Variants in FLACC1 observed in about 807,000 individuals in gnomAD.
FLACC1 encodes the protein flagellum associated containing coiled-coil domains 1, also known as flagellum-associated coiled-coil domain-containing protein 1.
A neutral mutation model predicts 62.8 loss-of-function variants in FLACC1; 66 were observed. The ratio of observed to expected loss-of-function variants is 1.05; its 90% CI spans 0.86 to 1.29. The LOEUF is 1.29. FLACC1 is among the 50% of genes most tolerant of loss of function. The pLI, the probability that FLACC1 is intolerant of heterozygous loss-of-function variation, is 0.00. For synonymous variants in FLACC1, 156 were observed against 161.0 expected (o/e 0.97, Z 0.24); for missense variants, 452 against 489.1 (o/e 0.92, Z 0.71).
chr2:201,339,567 T>G lies in FLACC1; in HGVS notation c.524+2803A>C, dbSNP rs118078134. ...TATAAACTTCCCTCTTAGCACTGCT[T>G]TTGCTGTATCCCACAGGCTTTGGTA... On this transcript the variant is annotated intron_variant, in intron 7 of 14. Coordinates refer to ENST00000392257, the MANE Select transcript of FLACC1 (RefSeq NM_001127391.3). Among the ~76,000 whole-genome samples the G allele has an allele frequency of 3.3e-5, 5 of 152,254 alleles. No individual in the cohort carries two copies. In the East Asian group the frequency reaches 9.6e-4, roughly 29 times the overall value.
Position 201,346,577 on chromosome 2 carries a change from C to T in FLACC1, c.333G>A (p.Trp111Ter), listed in dbSNP as rs1559419446. The change falls in exon 5 of 15, where the codon TGG becomes TGA. Residue 111 changes from tryptophan (W) to a stop codon, truncating the protein, a stop_gained. Transcript: ENST00000392257. LOFTEE classifies it high-confidence loss of function. The surrounding 1 kb of genome is among the most constrained non-coding windows in gnomAD (Gnocchi z 4.0). The stretch of plus-strand genomic sequence containing the variant: ...TGCCTTTGTCCGGGATCTCCGATTC[C>T]CACCGCTTTTTCCTATCAAACATCT... Reference protein sequence around the residue: ...GDEMFDRKKRWESEIPDKGRF... With the variant: ...GDEMFDRKKR 1 of 1,614,150 alleles carries T rather than the reference C, an allele frequency of 6.2e-7. No homozygotes were observed. The highest frequency in any genetic ancestry group is 1.7e-5 in the Admixed American group (1 of 60,032).
chr2:201,304,421 G>A (rs574648676), intron 11 of FLACC1, among the ~76,000 whole-genome samples: 151 of 152,214 alleles, frequency 9.9e-4, no homozygotes, highest in African/African-American at 3.3e-3. Context: ...ACTGCTCAAC[G>A]AAATAAAAGA....
chr2:201,315,850 T>A (rs937245337), intron 9 of FLACC1, among the ~76,000 whole-genome samples: 1 of 151,992 alleles, frequency 6.6e-6, no homozygotes, highest in African/African-American at 2.4e-5. Context: ...ATATCAAGCA[T>A]TCTCTCAGAC....
At position 201,314,098 on chromosome 2, in the gene FLACC1, C is replaced by G. The variant is rs565851864; in HGVS notation, c.676-4848G>C. On this transcript the variant is annotated intron_variant, in intron 9 of 14. Coordinates refer to ENST00000392257, the MANE Select transcript of FLACC1 (RefSeq NM_001127391.3). ...GCCCTAGATCTTCCCTCTGACAGAA[C>G]CTACCCAAATGAGAAGGAACAAGAA... Among the ~76,000 whole-genome samples, 5 of 152,236 alleles carry G rather than the reference C, an allele frequency of 3.3e-5. No homozygotes were observed. The East Asian group carries it at 7.7e-4, about 24-fold the overall frequency.
intron 5 of FLACC1, among the ~76,000 whole-genome samples, chr2:201,345,971 C>G (rs922611536): frequency 1.2e-4 from 18 of 152,152 alleles, no homozygotes; most frequent in Admixed American, 2.6e-4. Flanking sequence ...TTGAGAACAG[C>G]CTGGCTAATA....
At chr2:201,291,768 A>G (rs1409790578) in intron 12 of FLACC1, among the ~76,000 whole-genome samples, 1 of 152,212 alleles carries the variant, frequency 6.6e-6, no homozygotes, top group Non-Finnish European at 1.5e-5. Context: ...CAAGAAGTTA[A>G]AAACCTTGAA....
chr2:201,352,354 T>C (rs1005356377), intron 1 of FLACC1, among the ~76,000 whole-genome samples: 4 of 152,180 alleles, frequency 2.6e-5, no homozygotes, highest in Admixed American at 2.0e-4. Context: ...ACAAAACCCC[T>C]ATTATGAGAA....
chr2:201,305,577 T>C (rs1205079169), intron 11 of FLACC1, among the ~76,000 whole-genome samples: 1 of 152,214 alleles, frequency 6.6e-6, no homozygotes, highest in African/African-American at 2.4e-5. Flanking sequence ...AGCCATCCCA[T>C]TACTGGGTAT....
At chr2:201,325,241 T>G (rs538508358) in intron 9 of FLACC1, among the ~76,000 whole-genome samples, 132 of 151,968 alleles carry the variant, frequency 8.7e-4, no homozygotes, top group Admixed American at 4.7e-3. Context: ...AAATTGACAA[T>G]GTCACACTGC....
At chr2:201,358,713 G>A (rs747352651), upstream of FLACC1, among the ~76,000 whole-genome samples, 8 of 151,936 alleles carry the variant, frequency 5.3e-5, no homozygotes, top group African/African-American at 1.9e-4. Flanking sequence ...CACTGCGCCC[G>A]GCCGCCCAGC....
rs920108884 is a variant in FLACC1 at position 201,307,551 on chromosome 2, C to A, written c.847G>T (p.Ala283Ser). Residue 283 changes from alanine to serine, a missense_variant, in exon 11 of 15, where the codon GCT (alanine) becomes TCT (serine). This residue lies in a region of FLACC1 where 301 missense variants were observed against 318.4 expected (regional missense o/e 0.95). Transcript: ENST00000392257. ...TCTTGAATGAAGTTCTCAAAGACAG[C>A]ACTGCAGGATTCATTTATTTTCTTA... Reference protein sequence around the residue: ...EDKKINESCSAVFENFIQEKE... With the variant: ...EDKKINESCSSVFENFIQEKE... 6.2e-7 allele frequency: 1 copy of A among 1,614,180 alleles called. No individual in the cohort carries two copies. The highest frequency in any genetic ancestry group is 2.2e-5 in the East Asian group (1 of 44,884).
chr2:201,343,796 A>G (rs998963530), intron 6 of FLACC1, among the ~76,000 whole-genome samples: 1 of 152,256 alleles, frequency 6.6e-6, no homozygotes, highest in Non-Finnish European at 1.5e-5. Context: ...AGCCCTGCAC[A>G]TTAAGTGCGC....
intron 9 of FLACC1, among the ~76,000 whole-genome samples, chr2:201,322,624 A>C (rs2125583072): frequency 6.6e-6 from 1 of 152,324 alleles, no homozygotes; most frequent in South Asian, 2.1e-4. Context: ...AATTAGAAGA[A>C]ATAATCTACC....
intron 9 of FLACC1, among the ~76,000 whole-genome samples, chr2:201,323,792 A>AAAAAAAAAAAAG (rs1950450117): frequency 7.1e-6 from 1 of 139,974 alleles, no homozygotes; most frequent in African/African-American, 2.7e-5. Flanking sequence ...ATCAAAAAAA[A>AAAAAAAAAAAAG]AAAAAAAAAA....
At chr2:201,355,751 T>C (rs1360540745) in intron 1 of FLACC1, among the ~76,000 whole-genome samples, 3 of 151,968 alleles carry the variant, frequency 2.0e-5, no homozygotes, top group South Asian at 2.1e-4. Flanking sequence ...TCCCAGCCAC[T>C]TGGCAGGTGG....
chr2:201,341,890 T>C (rs1950818034), intron 7 of FLACC1, among the ~76,000 whole-genome samples: 1 of 152,178 alleles, frequency 6.6e-6, no homozygotes, highest in Non-Finnish European at 1.5e-5. Flanking sequence ...TCCTTTCAAT[T>C]TTCTCTTGAT....
chr2:201,323,809 G>GAAAAAAAAAAAAAAAAAT (rs1950452542), intron 9 of FLACC1, among the ~76,000 whole-genome samples: 1 of 77,376 alleles, frequency 1.3e-5, no homozygotes, highest in Non-Finnish European at 2.8e-5. Context: ...AAAAAGTAAG[G>GAAAAAAAAAAAAAAAAAT]AAGGAAGGAA....
At chr2:201,352,411 C>T (rs1350565229) in intron 1 of FLACC1, among the ~76,000 whole-genome samples, 2 of 152,342 alleles carry the variant, frequency 1.3e-5, no homozygotes, top group Admixed American at 1.3e-4. Context: ...CTTGACCACA[C>T]TGGCTTATCT....
chr2:201,295,816 G>C (rs1949848182), intron 12 of FLACC1, among the ~76,000 whole-genome samples: 1 of 151,898 alleles, frequency 6.6e-6, no homozygotes, highest in African/African-American at 2.4e-5. Flanking sequence ...AAATTTACAA[G>C]AAAAAAACAA....
Sources: allele counts gnomAD v4.1 joint callset (sites outside exome capture counted in the v4.1 genomes callset), GRCh38; gene constraint gnomAD v4.1.1; regional missense constraint gnomAD v4.1.1; non-coding constraint Gnocchi (gnomAD v3.1); transcripts MANE v1.5; gene names NCBI Gene and HGNC (gene_info 2026-07-23, HGNC 2026-07-21).